STPG4: variants seen among roughly 807,000 people sequenced by gnomAD.
STPG4 encodes the protein sperm-tail PG-rich repeat containing 4, also known as protein STPG4.
A neutral mutation model predicts 31.5 loss-of-function variants in STPG4; 41 were observed. The observed-to-expected ratio is 1.30, with a 90% CI of 1.01 to 1.69. The LOEUF (loss-of-function observed/expected upper bound fraction) is 1.69, where lower values mean the gene tolerates loss of function less well. Ranked by LOEUF, STPG4 falls within the 40% of genes most tolerant of loss-of-function variation. STPG4 has a pLI of 0.00. For missense variants in STPG4, 375 were observed against 293.4 expected (o/e 1.28, Z -2.03); for synonymous variants, 141 against 103.0 (o/e 1.37, Z -2.24).
chr2:47,147,778 G>A (rs968874329), intron 3 of STPG4, among the ~76,000 whole-genome samples: 1 of 152,090 alleles, frequency 6.6e-6, no homozygotes. Context: ...TGTACATATG[G>A]AGAAGGTGGT....
At chr2:47,097,794 C>T (rs2103734385) in intron 5 of STPG4, among the ~76,000 whole-genome samples, 1 of 152,210 alleles carries the variant, frequency 6.6e-6, no homozygotes, top group African/African-American at 2.4e-5. Context: ...GGTGTGTATT[C>T]ACAGATGTCT....
intron 5 of STPG4, among the ~76,000 whole-genome samples, chr2:47,099,762 C>T (rs191898630): frequency 0.011 from 1,659 of 152,346 alleles, 28 homozygotes; most frequent in Non-Finnish European, 0.017. Context: ...CGGGGCTGCG[C>T]GTGGCGCTTG....
chr2:47,135,502 T>C (rs1270540033), intron 3 of STPG4, among the ~76,000 whole-genome samples: 1 of 152,154 alleles, frequency 6.6e-6, no homozygotes, highest in Non-Finnish European at 1.5e-5. Context: ...TTCTCCTGCT[T>C]CAGCCTCCCA....
chr2:47,115,298 T>A (rs952043716), intron 5 of STPG4, among the ~76,000 whole-genome samples: 3 of 152,154 alleles, frequency 2.0e-5, no homozygotes, highest in Admixed American at 6.5e-5. Flanking sequence ...CCTGGGACAT[T>A]TCCTCACTAC....
chr2:47,119,855 G>A (rs1686231234), intron 5 of STPG4, among the ~76,000 whole-genome samples: 1 of 152,160 alleles, frequency 6.6e-6, no homozygotes, highest in Non-Finnish European at 1.5e-5. Context: ...AATTTTTAAG[G>A]GTAGGGCTAA....
chr2:47,149,014 C>T (rs561982071), intron 3 of STPG4, among the ~76,000 whole-genome samples: 13 of 152,242 alleles, frequency 8.5e-5, no homozygotes, highest in Non-Finnish European at 1.6e-4. Context: ...ACTATATCTA[C>T]CCCAAATTCA....
At position 47,149,603 on chromosome 2, in the gene STPG4, C is replaced by T. The variant is rs796906809; in HGVS notation, c.399+1655G>A. On this transcript the variant is annotated intron_variant, in intron 3 of 6. Transcript: ENST00000445927. ...AAAGTAGTAGAAAGTTTGGATTTGA[C>T]ATGTGTTCATCCTGCTGAAAATTTT... Among the ~76,000 whole-genome samples the T allele has an allele frequency of 1.7e-4, 26 of 152,338 alleles. 1 individual carries two copies. The highest frequency in any genetic ancestry group is 6.3e-4 in the African/African-American group (26 of 41,586).
chr2:47,101,123 T>C (rs1198884357), intron 5 of STPG4, among the ~76,000 whole-genome samples: 2 of 151,788 alleles, frequency 1.3e-5, no homozygotes, highest in African/African-American at 4.9e-5. Context: ...TATTCTGTCC[T>C]ATTTTTCCTT....
At chr2:47,154,300 T>G (rs1191475975) in intron 1 of STPG4, among the ~76,000 whole-genome samples, 2 of 152,240 alleles carry the variant, frequency 1.3e-5, no homozygotes, top group African/African-American at 2.4e-5. Flanking sequence ...GAGATTTATG[T>G]TGAATCTTCT....
chr2:47,114,305 G>C (rs561229386), intron 5 of STPG4, among the ~76,000 whole-genome samples: 1 of 151,842 alleles, frequency 6.6e-6, no homozygotes, highest in Admixed American at 6.6e-5. Flanking sequence ...CGGAGTTCGA[G>C]ACCAGCCTGG....
At chr2:47,144,578 A>G (rs1228615070) in intron 3 of STPG4, among the ~76,000 whole-genome samples, 2 of 152,194 alleles carry the variant, frequency 1.3e-5, no homozygotes, top group African/African-American at 2.4e-5. Flanking sequence ...TGTAAAGAAT[A>G]CATGAAAAAG....
chr2:47,131,415 C>T (rs1686481524), intron 3 of STPG4, among the ~76,000 whole-genome samples: 1 of 152,212 alleles, frequency 6.6e-6, no homozygotes, highest in Non-Finnish European at 1.5e-5. Context: ...ATGTGAGTCA[C>T]TATGTCCAGC....
At position 47,151,343 on chromosome 2, in the gene STPG4, A is replaced by G. The variant is rs1686931441; in HGVS notation, c.314T>C (p.Leu105Pro). ...AGCCACTTGCTTCTTTAACAGGTCC[A>G]GGAAGTCAGGAGGCATATACTGCGG... The part of the protein sequence containing the change: ...DLPQYMPPDF[L>P]DLLKKQVATY... The change falls in exon 3 of 7, where the codon CTG (leucine) becomes CCG (proline). Residue 105 changes from leucine (L) to proline (P), a missense_variant. Transcript: ENST00000445927. The G allele has an allele frequency of 1.2e-6, 2 of 1,614,128 alleles. No individual in the cohort carries two copies. The highest frequency in any genetic ancestry group is 1.1e-5 in the South Asian group (1 of 91,094).
chr2:47,097,943 C>T (rs930326278), intron 5 of STPG4, among the ~76,000 whole-genome samples: 3 of 145,162 alleles, frequency 2.1e-5, no homozygotes, highest in African/African-American at 5.3e-5. Flanking sequence ...CATGGTGAAA[C>T]CCCATCTCTT....
rs1397248644 is a variant in STPG4, at chr2:47,153,007, G to A, written c.91C>T (p.Gln31Ter). ...TCTCTTTCAAAAGAGGAAGTCTTTTGGGCTGGTTTCTGTTAACAAACACAA... is the reference window on the plus strand; with the variant it reads ...TCTCTTTCAAAAGAGGAAGTCTTTTAGGCTGGTTTCTGTTAACAAACACAA... ...ESFITASKPA[Q>*]KTSSFEREGW... Residue 31 changes from glutamine to a stop codon, truncating the protein, a stop_gained, in exon 2 of 7, where the codon CAA (glutamine) becomes TAA (stop). Coordinates refer to ENST00000445927, the MANE Select transcript of STPG4 (RefSeq NM_001163561.2). LOFTEE classifies it high-confidence loss of function. The A allele has an allele frequency of 2.5e-6, 4 of 1,610,768 alleles. No individual in the cohort carries two copies. The highest frequency in any genetic ancestry group is 3.4e-6 in the Non-Finnish European group (4 of 1,177,954).
intron 5 of STPG4, among the ~76,000 whole-genome samples, chr2:47,098,108 C>T (rs1187688844): frequency 2.0e-5 from 3 of 152,216 alleles, no homozygotes; most frequent in Non-Finnish European, 2.9e-5. Flanking sequence ...TTTCCAGTTT[C>T]TGCAAGCCTT....
At chr2:47,154,990 T>A (rs971627288) in intron 1 of STPG4, among the ~76,000 whole-genome samples, 181 bp downstream of exon 1, 8 of 151,676 alleles carry the variant, frequency 5.3e-5, no homozygotes, top group Non-Finnish European at 8.8e-5. Context: ...ACAAAGGAAA[T>A]GTCCAATAAA....
chr2:47,105,537 T>C (rs1220768945), intron 5 of STPG4, among the ~76,000 whole-genome samples: 1 of 152,058 alleles, frequency 6.6e-6, no homozygotes, highest in African/African-American at 2.4e-5. Context: ...CAATCGAACA[T>C]GACTGCCAAC....
At chr2:47,102,793 C>T (rs983541711) in intron 5 of STPG4, among the ~76,000 whole-genome samples, 15 of 151,960 alleles carry the variant, frequency 9.9e-5, no homozygotes, top group Middle Eastern at 6.8e-3. Context: ...TGGCCCAACC[C>T]GGGTACATGT....
Sources: gnomAD v4.1 joint callset for allele counts (sites outside exome capture counted in the v4.1 genomes callset) on GRCh38, gnomAD v4.1.1 for gene constraint, MANE v1.5 for transcripts, NCBI Gene and HGNC (gene_info 2026-07-23, HGNC 2026-07-21) for gene names.